CACNA2D3: variants seen among roughly 807,000 people sequenced by gnomAD.
CACNA2D3 encodes the protein voltage-dependent calcium channel subunit alpha-2/delta-3.
Under a neutral mutation model 160.6 loss-of-function variants are expected in CACNA2D3, and 60 were observed. The observed-to-expected ratio is 0.37, with a 90% CI of 0.30 to 0.46. CACNA2D3 has a LOEUF of 0.46. CACNA2D3 is among the 20% of genes least tolerant of loss of function. The pLI is 1.00. For synonymous variants in CACNA2D3, 558 were observed against 492.9 expected, an observed-to-expected ratio of 1.13 and a Z score of -1.75; for missense variants, 1,205 against 1,365.0, an observed-to-expected ratio of 0.88 and a Z score of 1.85.
chr3:54,639,278 G>A (rs1575399559), intron 10 of CACNA2D3: 1 of 151,412 alleles, frequency 6.6e-6, no homozygotes, highest in East Asian at 1.9e-4. Context: ...AGGGGTTGAG[G>A]GGTACTTGCC....
At position 54,810,889 on chromosome 3, in the gene CACNA2D3, A is replaced by G. The variant is rs547490853; in HGVS notation, c.1381-5964A>G. ...AAACATGTCCCTCTGCTCGGTGGGT[A>G]TTTTTCTTTTTGAAATACCTTTATC... On this transcript the variant is annotated intron_variant, in intron 13 of 37. Transcript: ENST00000474759. Among the ~76,000 whole-genome samples the G allele has an allele frequency of 2.2e-4, 34 of 152,176 alleles. No homozygotes were observed. In the East Asian group the frequency reaches 2.5e-3, roughly 11 times the overall value.
intron 11 of CACNA2D3, among the ~76,000 whole-genome samples, chr3:54,684,428 C>T (rs1377645723): frequency 6.6e-6 from 1 of 152,184 alleles, no homozygotes; most frequent in Non-Finnish European, 1.5e-5. Flanking sequence ...CACAATTCAG[C>T]CAACAGCAAA....
chr3:54,259,756 C>T (rs981929904), intron 2 of CACNA2D3, among the ~76,000 whole-genome samples: 4 of 152,144 alleles, frequency 2.6e-5, no homozygotes, highest in African/African-American at 4.8e-5. Flanking sequence ...CAAAATTAAA[C>T]GTCCATTTAG....
At chr3:54,744,337 G>C (rs1350979629) in intron 11 of CACNA2D3, among the ~76,000 whole-genome samples, 4 of 152,158 alleles carry the variant, frequency 2.6e-5, no homozygotes, top group African/African-American at 9.7e-5. Flanking sequence ...ATAAGACAAG[G>C]GTTCTTAACC....
At chr3:54,580,754 A>G (rs765117528) in intron 8 of CACNA2D3, among the ~76,000 whole-genome samples, 10 of 152,226 alleles carry the variant, frequency 6.6e-5, no homozygotes, top group Non-Finnish European at 1.0e-4. Flanking sequence ...TACAGGGATT[A>G]TATGGAAGAG....
chr3:55,067,113 T>C (rs1704668099), intron 35 of CACNA2D3, among the ~76,000 whole-genome samples: 1 of 151,474 alleles, frequency 6.6e-6, no homozygotes, highest in Admixed American at 6.6e-5. Context: ...GGGGGGGCTT[T>C]TCTCCTCTCA....
chr3:54,706,008 G>C (rs1021569521), intron 11 of CACNA2D3, among the ~76,000 whole-genome samples: 1 of 152,148 alleles, frequency 6.6e-6, no homozygotes, highest in African/African-American at 2.4e-5. Flanking sequence ...CTTTGAGGCA[G>C]TATCACTAGC....
intron 12 of CACNA2D3, among the ~76,000 whole-genome samples, chr3:54,763,882 TATATATATGTATGTGGG>T (rs1304440683): frequency 2.3e-4 from 4 of 17,760 alleles, no homozygotes; most frequent in Non-Finnish European, 3.1e-4. Context: ...TATATATATG[TATATATATGTATGTGGG>T]GGGGGGGGGT....
chr3:54,640,221 G>A, intron 10 of CACNA2D3, among the ~76,000 whole-genome samples: 1 of 152,142 alleles, frequency 6.6e-6, no homozygotes, highest in Non-Finnish European at 1.5e-5. Context: ...AAGAGAATAC[G>A]AAGCTAAGTG....
intron 17 of CACNA2D3, among the ~76,000 whole-genome samples, chr3:54,848,330 G>C (rs1372291150): frequency 6.6e-6 from 1 of 152,196 alleles, no homozygotes; most frequent in East Asian, 1.9e-4. Flanking sequence ...TGCCATTGCT[G>C]TTCTTCTGTT....
intron 2 of CACNA2D3, among the ~76,000 whole-genome samples, chr3:54,195,212 G>A (rs940948531): frequency 6.6e-6 from 1 of 152,112 alleles, no homozygotes; most frequent in Admixed American, 6.5e-5. Flanking sequence ...GTTGTCCCAG[G>A]GCATTCTGAT....
intron 25 of CACNA2D3, among the ~76,000 whole-genome samples, chr3:54,892,256 AG>A (rs1478811237): frequency 6.6e-6 from 1 of 151,878 alleles, no homozygotes; most frequent in Admixed American, 6.6e-5. Flanking sequence ...TGTGTGTGTG[AG>A]TTCAGAGGTT....
Position 54,134,599 on chromosome 3 carries a change from A to G in CACNA2D3, c.204+11005A>G, listed in dbSNP as rs560410536. ...ACGCCAGGGTTTTATGAATCCCAAC[A>G]TTGGGCATGGATGCTGCAAAAAGTG... On this transcript the variant is annotated intron_variant, in intron 2 of 37. Coordinates refer to ENST00000474759, the MANE Select transcript of CACNA2D3 (RefSeq NM_018398.3). 2.9e-4 allele frequency among the ~76,000 whole-genome samples: 44 copies of G among 152,288 alleles called. 1 individual carries two copies. In the South Asian group the frequency reaches 6.2e-3, roughly 22 times the overall value.
intron 5 of CACNA2D3, among the ~76,000 whole-genome samples, chr3:54,517,870 A>G (rs1701579350): frequency 6.6e-6 from 1 of 152,034 alleles, no homozygotes; most frequent in South Asian, 2.1e-4. Context: ...TCTCATAGCC[A>G]GTGGACCAGG....
chr3:54,530,751 T>C (rs1314673679), intron 5 of CACNA2D3, among the ~76,000 whole-genome samples: 2 of 152,210 alleles, frequency 1.3e-5, no homozygotes, highest in African/African-American at 4.8e-5. Context: ...GGCTGAGGGT[T>C]ACACAGCCCA....
intron 35 of CACNA2D3, among the ~76,000 whole-genome samples, chr3:55,060,626 T>G (rs1704484425): frequency 1.3e-5 from 2 of 152,224 alleles, no homozygotes; most frequent in Admixed American, 1.3e-4. Flanking sequence ...TCCGTAAATG[T>G]TAGCTATTAT....
At chr3:54,422,274 T>C (rs1699848003) in intron 4 of CACNA2D3, among the ~76,000 whole-genome samples, 1 of 152,202 alleles carries the variant, frequency 6.6e-6, no homozygotes, top group Admixed American at 6.5e-5. Context: ...GTAACAGCAA[T>C]AGCAAATTGG....
chr3:54,407,331 A>T (rs888795705), intron 4 of CACNA2D3, among the ~76,000 whole-genome samples: 9 of 152,182 alleles, frequency 5.9e-5, no homozygotes, highest in African/African-American at 2.2e-4. Flanking sequence ...AAAGAGATGG[A>T]ACTTTCACAT....
At chr3:54,893,536 A>G (rs568183489) in intron 25 of CACNA2D3, among the ~76,000 whole-genome samples, 6 of 152,058 alleles carry the variant, frequency 3.9e-5, no homozygotes, top group Admixed American at 3.9e-4. Context: ...ATTTGGATAC[A>G]CTCTCTAAGC....
Sources: allele counts gnomAD v4.1 joint callset (sites outside exome capture counted in the v4.1 genomes callset), GRCh38; gene constraint gnomAD v4.1.1; transcripts MANE v1.5; gene names NCBI Gene and HGNC (gene_info 2026-07-23, HGNC 2026-07-21).